The following ADAMTSL1 variants were observed in gnomAD, a reference collection of about 807,000 sequenced individuals.
ADAMTSL1 encodes ADAMTS like 1.
A neutral mutation model predicts 201.8 loss-of-function variants in ADAMTSL1; 126 were observed. That is an observed-to-expected ratio of 0.62 (90% confidence interval 0.54 to 0.72). The LOEUF (loss-of-function observed/expected upper bound fraction) is 0.72. Among genes scored for constraint, ADAMTSL1 ranks in the 30% least tolerant of loss-of-function variants. The pLI is 0.00. For synonymous variants in ADAMTSL1, 1,121 were observed against 903.4 expected, an observed-to-expected ratio of 1.24 and a Z score of -4.32; for missense variants, 2,679 against 2,277.8, an observed-to-expected ratio of 1.18 and a Z score of -3.59.
upstream of ADAMTSL1, among the ~76,000 whole-genome samples, chr9:18,472,326 C>T (rs1229279398): frequency 1.3e-5 from 2 of 152,156 alleles, no homozygotes; most frequent in Admixed American, 6.5e-5. Flanking sequence ...CTTGTGAATA[C>T]GCTTTAGCTT....
At chr9:18,517,364 T>G (rs2132007832) in intron 2 of ADAMTSL1, among the ~76,000 whole-genome samples, 1 of 152,262 alleles carries the variant, frequency 6.6e-6, no homozygotes, top group East Asian at 1.9e-4. Context: ...ATTTTTTTAC[T>G]TTGGTAGCTA....
intron 2 of ADAMTSL1, among the ~76,000 whole-genome samples, chr9:18,181,850 C>T (rs538258148): frequency 1.8e-4 from 28 of 151,962 alleles, no homozygotes; most frequent in Non-Finnish European, 2.5e-4. Context: ...ATGTTTATTG[C>T]GGCATTATTC....
At chr9:18,000,138 T>C (rs1033695170) in intron 1 of ADAMTSL1, among the ~76,000 whole-genome samples, 5 of 150,426 alleles carry the variant, frequency 3.3e-5, no homozygotes, top group African/African-American at 1.2e-4. Flanking sequence ...GATGGCTGGG[T>C]CAAATGGTAT....
chr9:18,338,637 T>G lies in ADAMTSL1; in HGVS notation c.208-166192T>G, dbSNP rs1434779023. 2.6e-5 allele frequency among the ~76,000 whole-genome samples: 4 copies of G among 152,172 alleles called. No individual in the cohort carries two copies. In the South Asian group the frequency reaches 6.2e-4, roughly 24 times the overall value. On this transcript the variant is annotated intron_variant, in intron 2 of 29. Transcript: ENST00000680146. ...TATTTTTCATTTTTTACAGCTCTTC[T>G]TTTAGGTTCAGGGGTACATGTGCAG...
intron 2 of ADAMTSL1, among the ~76,000 whole-genome samples, chr9:18,286,143 A>T (rs1050442149): frequency 8.5e-5 from 13 of 152,296 alleles, no homozygotes; most frequent in Non-Finnish European, 1.8e-4. Flanking sequence ...TACTCAAATC[A>T]ACCTTGTGGG....
intron 2 of ADAMTSL1, among the ~76,000 whole-genome samples, chr9:18,224,558 C>T (rs985577203): frequency 1.3e-5 from 2 of 152,146 alleles, no homozygotes; most frequent in African/African-American, 4.8e-5. Context: ...TTCTCACATA[C>T]AAAATACATC....
At chr9:18,765,900 C>T (rs1820329188) in intron 16 of ADAMTSL1, among the ~76,000 whole-genome samples, 3 of 152,122 alleles carry the variant, frequency 2.0e-5, no homozygotes, top group African/African-American at 4.8e-5. Context: ...TTAGGGATGG[C>T]CTCTCCACAC....
intron 13 of ADAMTSL1, among the ~76,000 whole-genome samples, chr9:18,690,242 A>G (rs781268778): frequency 1.3e-5 from 2 of 150,962 alleles, no homozygotes; most frequent in Non-Finnish European, 2.9e-5. Context: ...TAAAGATATA[A>G]TATTTAAGCA....
At chr9:18,149,210 C>G (rs781387121) in intron 1 of ADAMTSL1, among the ~76,000 whole-genome samples, 1 of 151,814 alleles carries the variant, frequency 6.6e-6, no homozygotes, top group Non-Finnish European at 1.5e-5. Context: ...TCAGACTTAC[C>G]GAGATAATGT....
chr9:18,303,540 A>G (rs1355295337), intron 2 of ADAMTSL1, among the ~76,000 whole-genome samples: 1 of 152,204 alleles, frequency 6.6e-6, no homozygotes, highest in African/African-American at 2.4e-5. Flanking sequence ...ATAAAGGTCA[A>G]CAGAGTCACT....
chr9:18,401,666 T>G (rs1817989638), intron 2 of ADAMTSL1, among the ~76,000 whole-genome samples: 1 of 152,236 alleles, frequency 6.6e-6, no homozygotes, highest in African/African-American at 2.4e-5. Context: ...ACCACTTCTC[T>G]ATTGTGCTTC....
intron 21 of ADAMTSL1, among the ~76,000 whole-genome samples, chr9:18,819,800 A>G (rs545313246): frequency 6.6e-6 from 1 of 152,380 alleles, no homozygotes; most frequent in East Asian, 1.9e-4. Flanking sequence ...TTGTTAAACA[A>G]GATACTCATT....
chr9:18,064,631 A>G (rs1417469245), intron 1 of ADAMTSL1, among the ~76,000 whole-genome samples: 2 of 152,120 alleles, frequency 1.3e-5, no homozygotes, highest in Non-Finnish European at 2.9e-5. Flanking sequence ...ATACATGAAC[A>G]TTCATAAAGA....
At chr9:18,449,926 A>G (rs1028750912) in intron 2 of ADAMTSL1, among the ~76,000 whole-genome samples, 1 of 152,250 alleles carries the variant, frequency 6.6e-6, no homozygotes, top group Non-Finnish European at 1.5e-5. Flanking sequence ...GGCAGTGAGA[A>G]TGCAAAATGG....
intron 2 of ADAMTSL1, among the ~76,000 whole-genome samples, chr9:18,203,408 T>G (rs990708476): frequency 1.3e-5 from 2 of 151,714 alleles, no homozygotes; most frequent in African/African-American, 4.8e-5. Context: ...TTAAATCTAT[T>G]AAGTGATAAT....
At chr9:18,690,361 T>G (rs967479801) in intron 13 of ADAMTSL1, among the ~76,000 whole-genome samples, 6 of 152,174 alleles carry the variant, frequency 3.9e-5, no homozygotes, top group Admixed American at 2.0e-4. Context: ...GCTAGAAATT[T>G]TAATTGTGTG....
At chr9:18,593,032 T>C (rs1369284914) in intron 4 of ADAMTSL1, among the ~76,000 whole-genome samples, 1 of 152,196 alleles carries the variant, frequency 6.6e-6, no homozygotes, top group African/African-American at 2.4e-5. Flanking sequence ...ATTTTTGGCA[T>C]ATAGAAATGC....
chr9:17,966,793 T>C (rs541795141), intron 1 of ADAMTSL1, among the ~76,000 whole-genome samples: 1 of 152,272 alleles, frequency 6.6e-6, no homozygotes, highest in African/African-American at 2.4e-5. Context: ...TGGATTACTT[T>C]TTAAGGATTT....
intron 1 of ADAMTSL1, among the ~76,000 whole-genome samples, chr9:18,050,793 G>A (rs1029887860): frequency 4.6e-5 from 7 of 152,146 alleles, no homozygotes; most frequent in Admixed American, 2.6e-4. Context: ...AGATGAGGCT[G>A]CCTTCCCATG....
Sources: allele counts gnomAD v4.1 joint callset (sites outside exome capture counted in the v4.1 genomes callset), GRCh38; gene constraint gnomAD v4.1.1; transcripts MANE v1.5; gene names NCBI Gene and HGNC (gene_info 2026-07-23, HGNC 2026-07-21).